Variants in TMTC1 observed in about 807,000 individuals in gnomAD.
TMTC1 encodes the protein transmembrane O-mannosyltransferase targeting cadherins 1, also known as protein O-mannosyl-transferase TMTC1.
Under a neutral mutation model 104.8 loss-of-function variants are expected in TMTC1, and 73 were observed. The ratio of observed to expected loss-of-function variants is 0.70; its 90% CI spans 0.58 to 0.85. The LOEUF is 0.85. TMTC1 is among the 40% of genes least tolerant of loss of function. The probability of loss-of-function intolerance (pLI) is 0.00; values close to 1 mark genes in which losing one functional copy is unlikely to be tolerated. For missense variants in TMTC1, 1,035 were observed against 1,096.1 expected (o/e 0.94, Z 0.79); for synonymous variants, 434 against 428.7 (o/e 1.01, Z -0.15).
At chr12:29,661,583 G>GC (rs879415496) in intron 5 of TMTC1, among the ~76,000 whole-genome samples, 1 of 149,592 alleles carries the variant, frequency 6.7e-6, no homozygotes, top group African/African-American at 2.5e-5. Context: ...TGTATTTTTA[G>GC]TATTTTTGTA....
At chr12:29,710,549 AAT>A (rs1038933370) in intron 5 of TMTC1, among the ~76,000 whole-genome samples, 5 of 145,688 alleles carry the variant, frequency 3.4e-5, no homozygotes, top group African/African-American at 1.0e-4. Context: ...CCTTATATAT[AAT>A]ATATATAAAA....
chr12:29,717,219 T>C (rs1414331832), intron 5 of TMTC1, among the ~76,000 whole-genome samples: 2 of 152,214 alleles, frequency 1.3e-5, no homozygotes, highest in Non-Finnish European at 2.9e-5. Flanking sequence ...TTGTAAATAC[T>C]GAGCATTTAC....
At chr12:29,508,384 T>C (rs1376844527) in intron 17 of TMTC1, among the ~76,000 whole-genome samples, 2 of 152,234 alleles carry the variant, frequency 1.3e-5, no homozygotes, top group Non-Finnish European at 2.9e-5. Flanking sequence ...CAGACAACTA[T>C]ACATTTCTGG....
intron 5 of TMTC1, among the ~76,000 whole-genome samples, chr12:29,695,496 G>A (rs946352280): frequency 1.3e-4 from 20 of 151,750 alleles, no homozygotes; most frequent in East Asian, 5.9e-4. Context: ...TAGTAGAGAC[G>A]GGGTTTCACC....
At chr12:29,618,713 T>C (rs1049308113) in intron 6 of TMTC1, among the ~76,000 whole-genome samples, 1 of 152,178 alleles carries the variant, frequency 6.6e-6, no homozygotes, top group Admixed American at 6.5e-5. Flanking sequence ...AGTAGGCTTT[T>C]TGTCTAGAGG....
chr12:29,780,990 A>T (rs1030979991), intron 1 of TMTC1, among the ~76,000 whole-genome samples: 1 of 152,210 alleles, frequency 6.6e-6, no homozygotes, highest in Non-Finnish European at 1.5e-5. Context: ...TAAAGACGTA[A>T]TCTATGTGAA....
intron 5 of TMTC1, among the ~76,000 whole-genome samples, chr12:29,707,672 G>A (rs1941785316): frequency 6.6e-6 from 1 of 152,132 alleles, no homozygotes; most frequent in Non-Finnish European, 1.5e-5. Context: ...CTCTGCACAT[G>A]TGGCCATCGT....
At chr12:29,624,952 T>C (rs1937899234) in intron 6 of TMTC1, among the ~76,000 whole-genome samples, 1 of 152,204 alleles carries the variant, frequency 6.6e-6, no homozygotes, top group South Asian at 2.1e-4. Flanking sequence ...TGAAAGATCT[T>C]TCCATGAATC....
intron 5 of TMTC1, among the ~76,000 whole-genome samples, chr12:29,652,260 G>A (rs1259874630): frequency 2.6e-5 from 4 of 152,184 alleles, no homozygotes; most frequent in Non-Finnish European, 4.4e-5. Context: ...AAATCCTGAG[G>A]AGGGCAATGA....
At chr12:29,763,002 C>T (rs1006106961) in intron 2 of TMTC1, among the ~76,000 whole-genome samples, 6 of 152,168 alleles carry the variant, frequency 3.9e-5, no homozygotes, top group Non-Finnish European at 8.8e-5. Flanking sequence ...GCATCTGGAC[C>T]GAGAAGGGCA....
At chr12:29,725,142 C>T (rs1445021475) in intron 5 of TMTC1, among the ~76,000 whole-genome samples, 3 of 149,642 alleles carry the variant, frequency 2.0e-5, no homozygotes, top group Non-Finnish European at 3.0e-5. Context: ...CTCAGCCTCC[C>T]GAATAGCTGG....
At chr12:29,732,354 G>A (rs2136919273) in intron 5 of TMTC1, among the ~76,000 whole-genome samples, 1 of 152,308 alleles carries the variant, frequency 6.6e-6, no homozygotes, top group South Asian at 2.1e-4. Flanking sequence ...GAAACACAAT[G>A]TATATTTCAG....
chr12:29,698,501 G>C (rs57896152), intron 5 of TMTC1, among the ~76,000 whole-genome samples: 9,215 of 152,240 alleles, frequency 0.061, 447 homozygotes, highest in African/African-American at 0.13. Context: ...CCTAGTGTAT[G>C]TGTCCCATCG....
At chr12:29,763,424 A>G (rs559960475) in intron 2 of TMTC1, among the ~76,000 whole-genome samples, 1 of 152,316 alleles carries the variant, frequency 6.6e-6, no homozygotes, top group East Asian at 1.9e-4. Context: ...CCAGCCATTC[A>G]TTGTGATTCA....
At chr12:29,636,876 C>T (rs1340423190) in intron 5 of TMTC1, among the ~76,000 whole-genome samples, 1 of 149,256 alleles carries the variant, frequency 6.7e-6, no homozygotes, top group Non-Finnish European at 1.5e-5. Context: ...AAGACCTCAT[C>T]TCTACAAAAA....
chr12:29,555,134 C>A (rs377044545), intron 10 of TMTC1, among the ~76,000 whole-genome samples: 3 of 88,202 alleles, frequency 3.4e-5, no homozygotes, highest in Non-Finnish European at 5.9e-5. Flanking sequence ...TTCCAACATC[C>A]TTTTTTTTTT....
chr12:29,527,808 T>C (rs1163183413), intron 11 of TMTC1, among the ~76,000 whole-genome samples: 2 of 152,216 alleles, frequency 1.3e-5, no homozygotes, highest in Non-Finnish European at 2.9e-5. Context: ...TTCATCTAAA[T>C]CTTCTCTTTT....
Position 29,506,828 on chromosome 12 carries a change from T to C in TMTC1, c.*18A>G, listed in dbSNP as rs773186040. 4 of 1,613,944 alleles carry C rather than the reference T, an allele frequency of 2.5e-6. No individual in the cohort carries two copies. The highest frequency in any genetic ancestry group is 2.2e-5 in the East Asian group (1 of 44,880). On this transcript the variant is annotated 3_prime_UTR_variant, in exon 18 of 18. Transcript: ENST00000539277. ...AGAGGCACCACATTATCCTATGAGG[T>C]TGGGTCAGACGGTGGTGCTATGTTT...
intron 8 of TMTC1, among the ~76,000 whole-genome samples, chr12:29,580,854 T>G (rs1945960081): frequency 6.6e-6 from 1 of 152,142 alleles, no homozygotes. Flanking sequence ...TGAAATATGT[T>G]CATGTGTCTG....
Sources: allele counts gnomAD v4.1 joint callset (sites outside exome capture counted in the v4.1 genomes callset), GRCh38; gene constraint gnomAD v4.1.1; transcripts MANE v1.5; gene names NCBI Gene and HGNC (gene_info 2026-07-23, HGNC 2026-07-21).